Variants in PLXNA2 observed in about 807,000 individuals in gnomAD.
The protein encoded by PLXNA2 is plexin A2.
A neutral mutation model predicts 193.5 loss-of-function variants in PLXNA2; 91 were observed. That is an observed-to-expected ratio of 0.47 (90% confidence interval 0.40 to 0.56). The LOEUF (loss-of-function observed/expected upper bound fraction) is 0.56, where lower values mean the gene tolerates loss of function less well. PLXNA2 is among the 20% of genes least tolerant of loss of function. The pLI is 0.00. For missense variants in PLXNA2, 1,995 were observed against 2,503.2 expected, an observed-to-expected ratio of 0.80 and a Z score of 4.33; for synonymous variants, 997 against 1,027.3, an observed-to-expected ratio of 0.97 and a Z score of 0.56.
intron 3 of PLXNA2, among the ~76,000 whole-genome samples, chr1:208,205,350 G>C (rs912314626): frequency 5.3e-5 from 8 of 152,140 alleles, no homozygotes; most frequent in Non-Finnish European, 1.2e-4. Flanking sequence ...TGAGGAACTG[G>C]ACCCAGACCC....
In PLXNA2 at chr1:208,034,929, T is replaced by C. The variant is rs539052073; in HGVS notation, c.4765-337A>G. Among the ~76,000 whole-genome samples, 4 of 152,234 alleles carry C rather than the reference T, an allele frequency of 2.6e-5. No individual in the cohort carries two copies. In the East Asian group the frequency reaches 5.8e-4, roughly 22 times the overall value. ...ATGAATACAAATATAAACTATCTTA[T>C]TGATAATTTTTAAATTGATTACATA... On this transcript the variant is annotated intron_variant, in intron 26 of 31. Transcript: ENST00000367033.
At position 208,098,894 on chromosome 1, in the gene PLXNA2, G is replaced by T; in HGVS notation, c.1683C>A (p.Ser561Arg). 6.2e-7 allele frequency: 1 copy of T among 1,613,954 alleles called. No homozygotes were observed. The highest frequency in any genetic ancestry group is 8.5e-7 in the Non-Finnish European group (1 of 1,179,984). The change falls in exon 6 of 32, where the codon AGC (serine) becomes AGA (arginine). Residue 561 changes from serine to arginine, a missense_variant. By Grantham distance (110) the Ser-to-Arg change is moderately radical. Transcript: ENST00000367033. Reference protein sequence around the residue: ...RFAASISQCVSLAVHPSSISV... With the variant: ...RFAASISQCVRLAVHPSSISV... ...AGATGCTGCTGGGATGCACTGCAAG[G>T]CTCACACACTGGCTGATGCTGGCAG...
intron 4 of PLXNA2, among the ~76,000 whole-genome samples, chr1:208,120,484 C>A (rs1006591185): frequency 6.6e-6 from 1 of 152,206 alleles, no homozygotes; most frequent in Non-Finnish European, 1.5e-5. Flanking sequence ...GCTGCTACTA[C>A]AGGCCCTGAG....
At chr1:208,169,363 C>T (rs1381549820) in intron 3 of PLXNA2, among the ~76,000 whole-genome samples, 1 of 152,208 alleles carries the variant, frequency 6.6e-6, no homozygotes, top group Admixed American at 6.5e-5. Flanking sequence ...ACATGATCAG[C>T]AAGTCTGGAC....
At chr1:208,157,141 G>A (rs1169211781) in intron 3 of PLXNA2, among the ~76,000 whole-genome samples, 1 of 152,202 alleles carries the variant, frequency 6.6e-6, no homozygotes, top group African/African-American at 2.4e-5. Flanking sequence ...TAGGGACACT[G>A]CCTTCTCTCA....
intron 3 of PLXNA2, among the ~76,000 whole-genome samples, chr1:208,147,877 A>T (rs1346221031): frequency 6.6e-6 from 1 of 152,092 alleles, no homozygotes. Context: ...ACAATCTCCT[A>T]TTTCCTGGGG....
At chr1:208,186,165 C>T (rs981828215) in intron 3 of PLXNA2, among the ~76,000 whole-genome samples, 11 of 152,160 alleles carry the variant, frequency 7.2e-5, no homozygotes, top group Non-Finnish European at 1.0e-4. Flanking sequence ...CTGGCTCCTC[C>T]GTCTTTTTTA....
Position 208,166,501 on chromosome 1 carries a change from T to C in PLXNA2, c.1372-24038A>G, listed in dbSNP as rs1015077156. 2.6e-5 allele frequency among the ~76,000 whole-genome samples: 4 copies of C among 152,376 alleles called. No homozygotes were observed. The South Asian group carries it at 8.3e-4, about 32-fold the overall frequency. ...GCAAAGTATGGTGCTATGCACAGAA[T>C]GCTGAGTATGATCTAGTCTTTGACC... On this transcript the variant is annotated intron_variant, in intron 3 of 31. Transcript: ENST00000367033.
chr1:208,234,033 TAAACC>T (rs900376006), intron 1 of PLXNA2, among the ~76,000 whole-genome samples: 2 of 151,782 alleles, frequency 1.3e-5, no homozygotes, highest in African/African-American at 4.8e-5. Context: ...CTGTCTGCTC[TAAACC>T]AAGGAAGAGA....
chr1:208,124,701 A>G (rs1481591572), intron 4 of PLXNA2, among the ~76,000 whole-genome samples: 1 of 150,446 alleles, frequency 6.6e-6, no homozygotes, highest in East Asian at 2.0e-4. Context: ...AAAAAAAAAA[A>G]AAGAACCAGA....
intron 1 of PLXNA2, among the ~76,000 whole-genome samples, chr1:208,238,618 G>A (rs547639251): frequency 6.6e-6 from 1 of 152,254 alleles, no homozygotes; most frequent in African/African-American, 2.4e-5. Flanking sequence ...ATTGTCCTCT[G>A]CTGAAATGAA....
rs1282408307 is a variant in PLXNA2 at position 208,179,806 on chromosome 1, G to C, written c.1371+30474C>G. Reference sequence around the variant, plus strand: ...TGCTGCCCAGGGAAGCCAGAGCAGGGATTCAGAATCTCAAGGAGAGAAAAG... The same window carrying C: ...TGCTGCCCAGGGAAGCCAGAGCAGGCATTCAGAATCTCAAGGAGAGAAAAG... On this transcript the variant is annotated intron_variant, in intron 3 of 31. Coordinates refer to ENST00000367033, the MANE Select transcript of PLXNA2 (RefSeq NM_025179.4). Among the ~76,000 whole-genome samples, 6 of 152,154 alleles carry C rather than the reference G, an allele frequency of 3.9e-5. No individual in the cohort carries two copies. In the South Asian group the frequency reaches 1.0e-3, roughly 26 times the overall value.
chr1:208,133,041 C>T lies in PLXNA2; in HGVS notation c.1506+9288G>A, dbSNP rs1036974961. On this transcript the variant is annotated intron_variant, in intron 4 of 31. Transcript: ENST00000367033. ...TCGGCTTGGTATACCCTTTCTTCTC[C>T]GGAGTCACTGCCCCCTCAGACCTCT... Among the ~76,000 whole-genome samples the T allele has an allele frequency of 3.3e-5, 5 of 152,084 alleles. No individual in the cohort carries two copies. In the South Asian group the frequency reaches 8.3e-4, roughly 25 times the overall value.
intron 3 of PLXNA2, among the ~76,000 whole-genome samples, chr1:208,204,313 A>G (rs1003771990): frequency 1.1e-4 from 16 of 152,170 alleles, no homozygotes; most frequent in Non-Finnish European, 2.2e-4. Flanking sequence ...ACAAGCCTGC[A>G]TCTGATCCAG....
chr1:208,179,311 C>A (rs910544364), intron 3 of PLXNA2, among the ~76,000 whole-genome samples: 1 of 152,172 alleles, frequency 6.6e-6, no homozygotes, highest in African/African-American at 2.4e-5. Context: ...TTCCCGTCCT[C>A]GGTCAAGGGG....
At chr1:208,197,355 C>G (rs1326984016) in intron 3 of PLXNA2, among the ~76,000 whole-genome samples, 1 of 152,254 alleles carries the variant, frequency 6.6e-6, no homozygotes, top group East Asian at 1.9e-4. Flanking sequence ...CGTGATTACT[C>G]AGGCTGAGGG....
At chr1:208,086,335 T>C (rs1666519184) in intron 9 of PLXNA2, among the ~76,000 whole-genome samples, 1 of 152,016 alleles carries the variant, frequency 6.6e-6, no homozygotes, top group Admixed American at 6.5e-5. Context: ...TCCAACTTTG[T>C]AGATTCTTTA....
At chr1:208,106,562 ATG>A (rs1667277659) in intron 4 of PLXNA2, among the ~76,000 whole-genome samples, 1 of 152,250 alleles carries the variant, frequency 6.6e-6, no homozygotes, top group African/African-American at 2.4e-5. Context: ...TGAGTTTGAA[ATG>A]TAGCTAGGAC....
At chr1:208,153,579 AG>A (rs1451923381) in intron 3 of PLXNA2, among the ~76,000 whole-genome samples, 7 of 152,334 alleles carry the variant, frequency 4.6e-5, no homozygotes, top group Non-Finnish European at 8.8e-5. Context: ...TTAGGAGGAA[AG>A]TAGTATAAAC....
Sources: allele counts gnomAD v4.1 joint callset (sites outside exome capture counted in the v4.1 genomes callset), GRCh38; gene constraint gnomAD v4.1.1; transcripts MANE v1.5; gene names NCBI Gene and HGNC (gene_info 2026-07-23, HGNC 2026-07-21).